Variants in GPHN observed in about 807,000 individuals in gnomAD.
GPHN encodes the protein gephyrin.
Under a neutral mutation model 95.5 loss-of-function variants are expected in GPHN, and 17 were observed. The observed-to-expected ratio is 0.18, with a 90% CI of 0.12 to 0.27. The LOEUF (loss-of-function observed/expected upper bound fraction) is 0.27, where lower values mean the gene tolerates loss of function less well. GPHN is among the 10% of genes least tolerant of loss of function. The pLI, the probability that GPHN is intolerant of heterozygous loss-of-function variation, is 1.00. For synonymous variants in GPHN, 320 were observed against 322.5 expected (o/e 0.99, Z 0.08); for missense variants, 660 against 978.1 (o/e 0.67, Z 4.34).
intron 1 of GPHN, among the ~76,000 whole-genome samples, chr14:66,586,826 A>G (rs2061440153): frequency 6.6e-6 from 1 of 152,176 alleles, no homozygotes; most frequent in Non-Finnish European, 1.5e-5. Flanking sequence ...AAACAGTCTA[A>G]TGCTGAACCT....
the GPHN span, chr14:67,392,276 C>T: frequency 1.6e-6 from 2 of 1,225,574 alleles, no homozygotes; most frequent in Admixed American, 1.7e-5. Context: ...TGCTCCCTCC[C>T]CTAAGCTTGA....
At chr14:66,916,594 G>A (rs1290785194) in intron 6 of GPHN, among the ~76,000 whole-genome samples, 2 of 150,976 alleles carry the variant, frequency 1.3e-5, no homozygotes, top group East Asian at 2.0e-4. Flanking sequence ...CCAGAGATTG[G>A]ATTGATAGCA....
At chr14:66,791,499 G>T (rs966719580) in intron 3 of GPHN, among the ~76,000 whole-genome samples, 9 of 152,212 alleles carry the variant, frequency 5.9e-5, no homozygotes, top group Non-Finnish European at 2.9e-5. Flanking sequence ...CTAAGTAAGG[G>T]GTACATTATT....
chr14:67,263,353 C>T, the GPHN span, among the ~76,000 whole-genome samples: 1 of 151,994 alleles, frequency 6.6e-6, no homozygotes, highest in South Asian at 2.1e-4. Flanking sequence ...CCCTTGTGCC[C>T]TGGGAGTACT....
At chr14:66,954,240 A>G (rs890362590) in intron 8 of GPHN, among the ~76,000 whole-genome samples, 3 of 152,298 alleles carry the variant, frequency 2.0e-5, no homozygotes, top group Admixed American at 2.0e-4. Context: ...TTACCATCTT[A>G]ACAATATTAA....
the GPHN span, among the ~76,000 whole-genome samples, chr14:67,380,474 TAATC>T: frequency 6.6e-6 from 1 of 152,222 alleles, no homozygotes; most frequent in Non-Finnish European, 1.5e-5. Flanking sequence ...ATTTCACTAA[TAATC>T]AGTTGGGGTG....
At chr14:66,827,389 TATA>T (rs1296699265) in intron 4 of GPHN, among the ~76,000 whole-genome samples, 1 of 152,092 alleles carries the variant, frequency 6.6e-6, no homozygotes, top group Non-Finnish European at 1.5e-5. Flanking sequence ...TTATGAGTTC[TATA>T]ATAAGTCAGG....
chr14:67,620,857 T>C, the GPHN span: 1 of 1,612,278 alleles, frequency 6.2e-7, no homozygotes. Context: ...TCCGACACCT[T>C]CTCTACCTCT....
At chr14:66,579,362 T>G (rs2061053205) in intron 1 of GPHN, among the ~76,000 whole-genome samples, 1 of 151,232 alleles carries the variant, frequency 6.6e-6, no homozygotes, top group South Asian at 2.1e-4. Flanking sequence ...ATCAAACAAG[T>G]AGTTTAAATG....
the GPHN span, among the ~76,000 whole-genome samples, chr14:67,554,045 G>A: frequency 0.07 from 10,591 of 152,104 alleles, 417 homozygotes; most frequent in East Asian, 0.13. Context: ...TGGGATCTTC[G>A]GATGAGCATA....
At chr14:66,879,904 T>C in intron 4 of GPHN, 35 bp from the exon 5 acceptor site, 1 of 1,372,862 alleles carries the variant, frequency 7.3e-7, no homozygotes, top group Non-Finnish European at 1.0e-6. Flanking sequence ...TTTTGGCTTA[T>C]TTCACTCAGT....
Position 67,076,403 on chromosome 14 carries a change from C to T in GPHN, c.1145-12580C>T, listed in dbSNP as rs114829152. Among the ~76,000 whole-genome samples, 872 of 152,134 alleles carry T rather than the reference C, an allele frequency of 5.7e-3. 12 individuals carry two copies. Among genetic ancestry groups the T allele is most frequent in the African/African-American group, 0.02 (827 of 41,488 alleles). On this transcript the variant is annotated intron_variant, in intron 11 of 22. Coordinates refer to ENST00000478722, the MANE Select transcript of GPHN (RefSeq NM_020806.5). ...CTGTACTGCAATACTCAGTTTATTG[C>T]GGTAGTCTTGAACTAACCCTGCAAT...
At chr14:67,013,188 A>G (rs895356053) in intron 9 of GPHN, among the ~76,000 whole-genome samples, 1 of 151,936 alleles carries the variant, frequency 6.6e-6, no homozygotes, top group Non-Finnish European at 1.5e-5. Context: ...TATTTGTTCA[A>G]TAATTGAATA....
the GPHN span, chr14:67,227,378 T>G: frequency 6.7e-6 from 1 of 149,334 alleles, no homozygotes; most frequent in Non-Finnish European, 1.5e-5. Flanking sequence ...AGGCGGAGGT[T>G]GCACTGAGCC....
chr14:67,095,078 A>G (rs569038572), intron 12 of GPHN, among the ~76,000 whole-genome samples: 1 of 152,322 alleles, frequency 6.6e-6, no homozygotes, highest in South Asian at 2.1e-4. Flanking sequence ...CCCATTGTTA[A>G]GTGACTCATG....
intron 1 of GPHN, among the ~76,000 whole-genome samples, chr14:66,588,979 G>A (rs2061532554): frequency 6.6e-6 from 1 of 152,104 alleles, no homozygotes; most frequent in African/African-American, 2.4e-5. Context: ...AGGGCAGCCA[G>A]AGAGAAAGGT....
chr14:66,757,050 G>A (rs1201399051), intron 2 of GPHN, among the ~76,000 whole-genome samples: 1 of 152,160 alleles, frequency 6.6e-6, no homozygotes, highest in Non-Finnish European at 1.5e-5. Context: ...AATGCAGTTA[G>A]CGGTAATAGG....
intron 2 of GPHN, among the ~76,000 whole-genome samples, chr14:66,772,669 C>G (rs190142184): frequency 6.6e-6 from 1 of 152,290 alleles, no homozygotes; most frequent in East Asian, 1.9e-4. Context: ...TATTCCCCAT[C>G]CTAATGACCA....
chr14:67,469,475 G>T, the GPHN span, among the ~76,000 whole-genome samples: 2 of 132,344 alleles, frequency 1.5e-5, no homozygotes, highest in African/African-American at 5.7e-5. Flanking sequence ...TGTAGAGATG[G>T]TGGTCTCTGT....
Sources: allele counts gnomAD v4.1 joint callset (sites outside exome capture counted in the v4.1 genomes callset), GRCh38; gene constraint gnomAD v4.1.1; transcripts MANE v1.5; gene names NCBI Gene and HGNC (gene_info 2026-07-23, HGNC 2026-07-21).